The following DPY19L3 variants were observed in gnomAD, a reference collection of about 807,000 sequenced individuals.
DPY19L3 encodes dpy-19 like C-mannosyltransferase 3, also known as protein C-mannosyl-transferase DPY19L3.
A neutral mutation model predicts 92.3 loss-of-function variants in DPY19L3; 51 were observed. The observed-to-expected ratio is 0.55, with a 90% CI of 0.44 to 0.70. The LOEUF is 0.70. Ranked by LOEUF, DPY19L3 falls within the 30% of genes least tolerant of loss-of-function variation. The pLI, the probability that DPY19L3 is intolerant of heterozygous loss-of-function variation, is 0.00. For synonymous variants in DPY19L3, 309 were observed against 315.2 expected (o/e 0.98, Z 0.21); for missense variants, 706 against 855.9 (o/e 0.82, Z 2.18).
At chr19:32,469,597 G>A (rs1316869645) in intron 16 of DPY19L3, among the ~76,000 whole-genome samples, 1 of 151,950 alleles carries the variant, frequency 6.6e-6, no homozygotes, top group Non-Finnish European at 1.5e-5. Context: ...AGCTCAGTGC[G>A]GATTTCATGT....
At chr19:32,453,304 A>G in intron 9 of DPY19L3, 28 bp downstream of exon 9, 1 of 1,577,206 alleles carries the variant, frequency 6.3e-7, no homozygotes, top group South Asian at 1.2e-5. Context: ...TCCTTTATCA[A>G]AGTAAACTTT....
intron 4 of DPY19L3, among the ~76,000 whole-genome samples, chr19:32,435,619 T>G (rs1434740859): frequency 6.6e-6 from 1 of 152,154 alleles, no homozygotes; most frequent in East Asian, 1.9e-4. Flanking sequence ...TCTCACAGAG[T>G]GTATTGTAAA....
chr19:32,463,346 T>C lies in DPY19L3; in HGVS notation c.1323-20T>C, dbSNP rs201586637. 1 of 1,612,062 alleles carries C rather than the reference T, an allele frequency of 6.2e-7. No homozygotes were observed. The highest frequency in any genetic ancestry group is 2.2e-5 in the East Asian group (1 of 44,764). Reference sequence around the variant, plus strand: ...AATTATGTTTCCAGCTTAAATTTTGTATGTTGCTGTTTTACTCAGTGATTC... The same window carrying C: ...AATTATGTTTCCAGCTTAAATTTTGCATGTTGCTGTTTTACTCAGTGATTC... On this transcript the variant is annotated intron_variant, in intron 12 of 18. Transcript: ENST00000392250.
At chr19:32,473,976 T>A (rs1259444886) in intron 16 of DPY19L3, among the ~76,000 whole-genome samples, 9 of 152,024 alleles carry the variant, frequency 5.9e-5, no homozygotes, top group Non-Finnish European at 1.3e-4. Flanking sequence ...CTAATTTGTG[T>A]ATTTTTGGTA....
At chr19:32,466,737 A>G (rs1184636987) in intron 15 of DPY19L3, among the ~76,000 whole-genome samples, 1 of 152,248 alleles carries the variant, frequency 6.6e-6, no homozygotes, top group Non-Finnish European at 1.5e-5. Flanking sequence ...CCTCCAAAAG[A>G]CTGTTGGCCT....
rs779442466 is a variant in DPY19L3, at chr19:32,453,280, G to A, written c.987+4G>A. 1.9e-6 allele frequency: 3 copies of A among 1,594,638 alleles called. No homozygotes were observed. The highest frequency in any genetic ancestry group is 2.6e-6 in the Non-Finnish European group (3 of 1,174,900). On this transcript the variant is annotated splice_donor_region_variant and intron_variant, in intron 9 of 18. Coordinates refer to ENST00000392250, the MANE Select transcript of DPY19L3 (RefSeq NM_001172774.2). ...ATTCATTGCAAGAAAACTTCAGGTA[G>A]GACTTTTTTTTTGTCCTTTATCAAA...
chr19:32,423,655 A>G (rs1245521769), intron 3 of DPY19L3, among the ~76,000 whole-genome samples: 1 of 152,092 alleles, frequency 6.6e-6, no homozygotes, highest in Non-Finnish European at 1.5e-5. Flanking sequence ...ATAATGCATA[A>G]TAATAACATA....
At chr19:32,436,788 A>G (rs1206104977) in intron 5 of DPY19L3, among the ~76,000 whole-genome samples, 3 of 152,210 alleles carry the variant, frequency 2.0e-5, no homozygotes, top group Admixed American at 6.5e-5. Flanking sequence ...TGGCTTATGT[A>G]TGTATGCGGT....
In DPY19L3 at chr19:32,445,440, CAAAAAA is replaced by C. The variant is rs71336904; in HGVS notation, c.855+5546_855+5551del. 2.6e-4 allele frequency among the ~76,000 whole-genome samples: 11 copies of C among 42,828 alleles called. 1 individual carries two copies. The highest frequency in any genetic ancestry group is 2.5e-3 in the Admixed American group (6 of 2,412). 28.1% of individuals were successfully genotyped at this position (42,828 alleles called of 152,430 possible). A position where few individuals can be genotyped will look rare whatever the true frequency, so the allele number is the denominator to read the frequency against. The stretch of plus-strand genomic sequence containing the variant: ...TGGGGGACAGAGCGAGACTTCATCT[CAAAAAA>C]AAAAAAAAAAAAAAACCATCAACCT... On this transcript the variant is annotated intron_variant, in intron 8 of 18. Transcript: ENST00000392250.
At chr19:32,432,345 T>C (rs2145476760) in intron 3 of DPY19L3, among the ~76,000 whole-genome samples, 1 of 152,286 alleles carries the variant, frequency 6.6e-6, no homozygotes, top group East Asian at 1.9e-4. Context: ...AAAATGAAAA[T>C]GATTGATCTT....
At chr19:32,445,846 C>G (rs1002113042) in intron 8 of DPY19L3, among the ~76,000 whole-genome samples, 3 of 151,968 alleles carry the variant, frequency 2.0e-5, no homozygotes, top group Admixed American at 2.0e-4. Context: ...ACTACAAATA[C>G]AAAAATTAGC....
chr19:32,419,309 C>A (rs1175624312), intron 3 of DPY19L3, among the ~76,000 whole-genome samples: 1 of 151,536 alleles, frequency 6.6e-6, no homozygotes, highest in African/African-American at 2.4e-5. Flanking sequence ...TACAGGTGCC[C>A]GCTGCCACGC....
At chr19:32,423,354 G>A (rs1465734762) in intron 3 of DPY19L3, among the ~76,000 whole-genome samples, 1 of 148,370 alleles carries the variant, frequency 6.7e-6, no homozygotes, top group East Asian at 2.0e-4. Flanking sequence ...TTGTGCCTCA[G>A]CCTCCCCAGT....
intron 3 of DPY19L3, among the ~76,000 whole-genome samples, chr19:32,426,438 A>G (rs1189463554): frequency 1.3e-5 from 2 of 152,206 alleles, no homozygotes; most frequent in African/African-American, 4.8e-5. Flanking sequence ...CAGGAGGCCT[A>G]GTTTTTGGTC....
At chr19:32,419,404 A>G (rs940477300) in intron 3 of DPY19L3, among the ~76,000 whole-genome samples, 1 of 151,424 alleles carries the variant, frequency 6.6e-6, no homozygotes, top group African/African-American at 2.4e-5. Flanking sequence ...CTCGTGATCC[A>G]CCCGCCTCGG....
intron 3 of DPY19L3, among the ~76,000 whole-genome samples, chr19:32,413,520 T>C (rs1968266942): frequency 6.6e-6 from 1 of 151,980 alleles, no homozygotes; most frequent in African/African-American, 2.4e-5. Flanking sequence ...TACATATGTA[T>C]ACATGTGCCA....
intron 8 of DPY19L3, among the ~76,000 whole-genome samples, chr19:32,440,301 C>T (rs1283756318): frequency 6.6e-6 from 1 of 152,050 alleles, no homozygotes; most frequent in African/African-American, 2.4e-5. Flanking sequence ...TTTTCATAGT[C>T]ACATTTAACT....
intron 4 of DPY19L3, among the ~76,000 whole-genome samples, chr19:32,435,067 G>A (rs1038085222): frequency 1.3e-5 from 2 of 152,034 alleles, no homozygotes; most frequent in Admixed American, 1.3e-4. Flanking sequence ...TCCACCTGCT[G>A]TTAGGATTGG....
At chr19:32,426,297 A>G (rs1968761364) in intron 3 of DPY19L3, among the ~76,000 whole-genome samples, 1 of 152,266 alleles carries the variant, frequency 6.6e-6, no homozygotes. Context: ...ATTTTCCATC[A>G]GAGCATTAGA....
Sources: allele counts gnomAD v4.1 joint callset (sites outside exome capture counted in the v4.1 genomes callset), GRCh38; gene constraint gnomAD v4.1.1; transcripts MANE v1.5; gene names NCBI Gene and HGNC (gene_info 2026-07-23, HGNC 2026-07-21).